ACOXL: variants seen among roughly 807,000 people sequenced by gnomAD.
The protein encoded by ACOXL is acyl-coenzyme A oxidase-like protein.
ACOXL carries 70 observed loss-of-function variants against 71.9 expected under a neutral mutation model. The ratio of observed to expected loss-of-function variants is 0.97; its 90% CI spans 0.80 to 1.19. The LOEUF is 1.19. Among genes scored for constraint, ACOXL ranks in the 50% most tolerant of loss-of-function variants. ACOXL has a pLI of 0.00. For missense variants in ACOXL, 703 were observed against 736.3 expected (o/e 0.95, Z 0.52); for synonymous variants, 253 against 281.6 (o/e 0.90, Z 1.02).
chr2:110,925,007 T>C (rs2060219979), intron 11 of ACOXL, among the ~76,000 whole-genome samples: 1 of 152,190 alleles, frequency 6.6e-6, no homozygotes, highest in African/African-American at 2.4e-5. Flanking sequence ...TACATCTCCC[T>C]CAGAGCTCCT....
chr2:110,911,195 C>A (rs1558714919), intron 11 of ACOXL, among the ~76,000 whole-genome samples: 2 of 152,168 alleles, frequency 1.3e-5, no homozygotes, highest in South Asian at 4.1e-4. Flanking sequence ...ATAGAAAATT[C>A]TAATAAACCA....
At chr2:110,988,694 C>G (rs544812996) in intron 13 of ACOXL, among the ~76,000 whole-genome samples, 72 of 152,244 alleles carry the variant, frequency 4.7e-4, no homozygotes, top group Admixed American at 9.2e-4. Flanking sequence ...TACTATCAGA[C>G]TTCTTAATTT....
chr2:110,749,408 A>T (rs1435695276), intron 1 of ACOXL, among the ~76,000 whole-genome samples: 1 of 152,222 alleles, frequency 6.6e-6, no homozygotes, highest in Non-Finnish European at 1.5e-5. Context: ...ACACAACCAT[A>T]GCACATTTGT....
At chr2:110,979,507 G>A (rs1484063318) in intron 12 of ACOXL, among the ~76,000 whole-genome samples, 2 of 152,220 alleles carry the variant, frequency 1.3e-5, no homozygotes, top group Non-Finnish European at 2.9e-5. Flanking sequence ...TACCTCTTTA[G>A]TGAGAAGTTT....
In ACOXL at chr2:111,082,344, C is replaced by G. The variant is rs538453551; in HGVS notation, c.1441-10521C>G. 2.6e-4 allele frequency among the ~76,000 whole-genome samples: 40 copies of G among 151,670 alleles called. 1 individual carries two copies. The highest frequency in any genetic ancestry group is 7.7e-4 in the African/African-American group (32 of 41,422). ...TACAAGAAAAAAAAAAAGAAACAAC[C>G]CCATCAAAAATTGGGTGAAGGATAT... On this transcript the variant is annotated intron_variant, in intron 16 of 17. Transcript: ENST00000439055.
chr2:110,835,694 T>C (rs1294949211), intron 9 of ACOXL, among the ~76,000 whole-genome samples: 1 of 152,236 alleles, frequency 6.6e-6, no homozygotes, highest in African/African-American at 2.4e-5. Context: ...TGCGTCATCA[T>C]TATCTGGCAG....
At chr2:110,813,416 T>C (rs1687571498) in intron 9 of ACOXL, among the ~76,000 whole-genome samples, 1 of 152,140 alleles carries the variant, frequency 6.6e-6, no homozygotes, top group South Asian at 2.1e-4. Flanking sequence ...AGGCCTCTGC[T>C]TGGGAGAGGC....
chr2:110,824,530 C>G (rs528546625), intron 9 of ACOXL, among the ~76,000 whole-genome samples: 136 of 152,220 alleles, frequency 8.9e-4, no homozygotes, highest in African/African-American at 3.1e-3. Context: ...CTTTTTCTCT[C>G]TCTTTTGGGT....
chr2:111,025,523 G>A (rs573625082), intron 14 of ACOXL, among the ~76,000 whole-genome samples: 70 of 152,274 alleles, frequency 4.6e-4, no homozygotes, highest in African/African-American at 1.6e-3. Flanking sequence ...ATTTTAGTGG[G>A]TGCGTAGTAC....
At chr2:110,875,047 TTGCCACGTGGCTCCGC>T (rs1438411016) in intron 10 of ACOXL, among the ~76,000 whole-genome samples, 1 of 152,176 alleles carries the variant, frequency 6.6e-6, no homozygotes, top group Admixed American at 6.5e-5. Flanking sequence ...TGACACTAGC[TTGCCACGTGGCTCCGC>T]TCCGTAACCT....
rs1363320993 is a variant in ACOXL, at chr2:111,117,660, G to T, written c.1587G>T (p.Val529=). The change falls in exon 18 of 18, where the codon GTG becomes GTT. Residue 529 remains valine, a synonymous_variant. Transcript: ENST00000439055. ...CDSVKDDARR[V]ISTFNIPHTY... ...CGGTGAAGGATGATGCCCGGAGGGT[G>T]ATCTCGACCTTTAACATTCCACACA... The T allele has an allele frequency of 1.3e-6, 2 of 1,551,790 alleles. No individual in the cohort carries two copies. Among genetic ancestry groups the T allele is most frequent in the Admixed American group, 3.9e-5 (2 of 51,018 alleles).
At chr2:110,822,818 CCTT>C (rs1282905701) in intron 9 of ACOXL, among the ~76,000 whole-genome samples, 3 of 152,190 alleles carry the variant, frequency 2.0e-5, no homozygotes, top group East Asian at 3.8e-4. Context: ...TCTATTTAAT[CCTT>C]CTCCCTCCCC....
intron 1 of ACOXL, among the ~76,000 whole-genome samples, chr2:110,756,169 C>G (rs971926706): frequency 2.0e-5 from 3 of 152,106 alleles, no homozygotes; most frequent in Non-Finnish European, 2.9e-5. Context: ...CTCTGTTGCC[C>G]AGGCTGGAGT....
chr2:110,819,331 G>T (rs988053415), intron 9 of ACOXL, among the ~76,000 whole-genome samples: 2 of 152,192 alleles, frequency 1.3e-5, no homozygotes, highest in South Asian at 4.1e-4. Flanking sequence ...TTTACTCATG[G>T]TTCAGGAGCA....
In ACOXL at chr2:110,801,686, T is replaced by C. The variant is rs1415417378; in HGVS notation, c.582T>C (p.Phe194=). The C allele has an allele frequency of 6.2e-7, 1 of 1,614,082 alleles. No individual in the cohort carries two copies. Among genetic ancestry groups the C allele is most frequent in the Non-Finnish European group, 8.5e-7 (1 of 1,180,026 alleles). Residue 194 remains phenylalanine, a synonymous_variant, in exon 8 of 18, where the codon TTT becomes TTC. Transcript: ENST00000439055. ...LHGVDNGILI[F]DKVRIPRENL... The stretch of plus-strand genomic sequence containing the variant: ...GTGTGGACAATGGGATATTAATATT[T>C]GACAAGGTTCGGATACCCAGGGAGA...
chr2:111,022,646 C>G (rs566363590), intron 14 of ACOXL, among the ~76,000 whole-genome samples: 2 of 152,206 alleles, frequency 1.3e-5, no homozygotes, highest in Non-Finnish European at 2.9e-5. Flanking sequence ...GCGTGTTCTG[C>G]CCACATCAGC....
intron 9 of ACOXL, among the ~76,000 whole-genome samples, chr2:110,807,312 G>T (rs1250800357): frequency 6.6e-6 from 1 of 152,204 alleles, no homozygotes; most frequent in Non-Finnish European, 1.5e-5. Context: ...TGAAGGGTGT[G>T]TGTGCAGCGC....
At chr2:110,758,862 T>G (rs905358123) in intron 1 of ACOXL, among the ~76,000 whole-genome samples, 1 of 152,246 alleles carries the variant, frequency 6.6e-6, no homozygotes, top group Non-Finnish European at 1.5e-5. Flanking sequence ...TCACAGAGAT[T>G]CTGGTACATC....
intron 14 of ACOXL, among the ~76,000 whole-genome samples, chr2:111,021,878 A>G (rs1291805240): frequency 6.6e-6 from 1 of 152,234 alleles, no homozygotes; most frequent in East Asian, 1.9e-4. Context: ...GAAAAAAAAG[A>G]AAAAACTTGG....
Sources: gnomAD v4.1 joint callset for allele counts (sites outside exome capture counted in the v4.1 genomes callset) on GRCh38, gnomAD v4.1.1 for gene constraint, MANE v1.5 for transcripts, NCBI Gene and HGNC (gene_info 2026-07-23, HGNC 2026-07-21) for gene names.